EIF4G1: variants seen among roughly 807,000 people sequenced by gnomAD.
The protein encoded by EIF4G1 is eukaryotic translation initiation factor 4 gamma 1, also known as EIF4-gamma.
EIF4G1 carries 4 observed loss-of-function variants against 187.8 expected under a neutral mutation model. That is an observed-to-expected ratio of 0.02 (90% CI 0.01 to 0.05). The LOEUF is 0.05. Ranked by LOEUF, EIF4G1 falls within the 10% of genes least tolerant of loss-of-function variation. EIF4G1 has a pLI of 1.00. For missense variants in EIF4G1, 1,647 were observed against 2,081.1 expected, an observed-to-expected ratio of 0.79 and a Z score of 4.06; for synonymous variants, 844 against 781.4, an observed-to-expected ratio of 1.08 and a Z score of -1.34.
intron 28 of EIF4G1, among the ~76,000 whole-genome samples, chr3:184,329,879 AGTGT>A (rs772317478): frequency 1.7e-3 from 265 of 152,282 alleles, no homozygotes; most frequent in Middle Eastern, 3.4e-3. Context: ...AGTTGGGGTG[AGTGT>A]GTGCAGTTTC....
In EIF4G1 at chr3:184,322,692, A is replaced by C. The variant is rs1218297785; in HGVS notation, c.1757A>C (p.Asn586Thr). ...SKEDKIHNAENIQPGEQKYEY... is the reference protein window; with the variant it reads ...SKEDKIHNAETIQPGEQKYEY... ...GAAGACAAAATTCACAATGCTGAGAACATCCAGCCCGGGGAACAGAAGTAT... is the reference window on the plus strand; with the variant it reads ...GAAGACAAAATTCACAATGCTGAGACCATCCAGCCCGGGGAACAGAAGTAT... The change falls in exon 12 of 33, where the codon AAC (asparagine) becomes ACC (threonine). Residue 586 changes from asparagine to threonine, a missense_variant. Transcript: ENST00000346169. The C allele has an allele frequency of 6.2e-7, 1 of 1,614,224 alleles. No individual in the cohort carries two copies. The highest frequency in any genetic ancestry group is 8.5e-7 in the Non-Finnish European group (1 of 1,180,046).
rs527922283 is a variant in EIF4G1 at position 184,335,340 on chromosome 3, A to G, written c.*432A>G. 3.1e-4 allele frequency: 70 copies of G among 222,768 alleles called. No individual in the cohort carries two copies. Among genetic ancestry groups the G allele is most frequent in the East Asian group, 4.4e-4 (4 of 9,192 alleles). The allele number at this position is 222,768 out of a possible 1,614,324, so 13.8% of individuals were successfully genotyped here. The stretch of plus-strand genomic sequence containing the variant: ...GGCACGGTGCCTGTAATTATTAAAC[A>G]TGAATTCAATTAAGCTCACTGCCTT... On this transcript the variant is annotated 3_prime_UTR_variant, in exon 33 of 33. Transcript: ENST00000346169.
chr3:184,328,836 G>A, intron 27 of EIF4G1, 73 bp from the exon 28 acceptor site: 3 of 1,614,026 alleles, frequency 1.9e-6, no homozygotes, highest in Non-Finnish European at 2.5e-6. Flanking sequence ...TGGATACCCT[G>A]GTTTGGAGGG....
chr3:184,323,076 T>C lies in EIF4G1; in HGVS notation c.1930-7T>C. 1 of 1,614,196 alleles carries C rather than the reference T, an allele frequency of 6.2e-7. No individual in the cohort carries two copies. Among genetic ancestry groups the C allele is most frequent in the Non-Finnish European group, 8.5e-7 (1 of 1,180,036 alleles). On this transcript the variant is annotated splice_polypyrimidine_tract_variant and splice_region_variant and intron_variant, in intron 13 of 32. Transcript: ENST00000346169. This position sits in a 1 kb window ranked among gnomAD's most constrained non-coding sequence, Gnocchi z 6.9. ...GCTTCTGAGACCTTTTCCTGTCCTC[T>C]TTGCAGGCCAATAAAACACCACTGC...
chr3:184,315,987 G>A, intron 3 of EIF4G1, 131 bp downstream of exon 3: 1 of 1,525,242 alleles, frequency 6.6e-7, no homozygotes. Context: ...CAGGGCCCCT[G>A]GGCTGTCCCC....
chr3:184,331,629 T>G, intron 30 of EIF4G1, 23 bp downstream of exon 30: 1 of 1,559,484 alleles, frequency 6.4e-7, no homozygotes, highest in South Asian at 1.1e-5. Flanking sequence ...TGGATATCGA[T>G]AAAGGAAAGG....
chr3:184,316,532 C>G (rs1722812663), intron 4 of EIF4G1, among the ~76,000 whole-genome samples: 1 of 152,064 alleles, frequency 6.6e-6, no homozygotes, highest in South Asian at 2.1e-4. Flanking sequence ...CTATTGCTCT[C>G]TCTGCTTTCT....
At position 184,315,822 on chromosome 3, in the gene EIF4G1, G is replaced by GCCCC; in HGVS notation, c.29_32dup (p.Ala13ThrfsTer43). 1 of 1,544,496 alleles carries GCCCC rather than the reference G, an allele frequency of 6.5e-7. No individual in the cohort carries two copies. The highest frequency in any genetic ancestry group is 8.8e-7 in the Non-Finnish European group (1 of 1,140,802). On this transcript the variant is annotated frameshift_variant, in exon 3 of 33. Transcript: ENST00000346169. LOFTEE classifies it high-confidence loss of function. The stretch of plus-strand genomic sequence containing the variant: ...ATGAACAAAGCTCCACAGTCCACAG[G>GCCCC]CCCCCCACCCGCCCCATCCCCCGGA...
Position 184,325,244 on chromosome 3 carries a change from G to T in EIF4G1, c.2857-25G>T, listed in dbSNP as rs907721563. On this transcript the variant is annotated intron_variant, in intron 18 of 32. Transcript: ENST00000346169. This position sits in a 1 kb window ranked among gnomAD's most constrained non-coding sequence, Gnocchi z 5.2. ...TATAGGTGGGACATGAGAAGTTCCT[G>T]GTCTGATGCCTTTCTCCTTCCTAGC... The T allele has an allele frequency of 2.5e-6, 4 of 1,613,092 alleles. No homozygotes were observed. Among genetic ancestry groups the T allele is most frequent in the Non-Finnish European group, 3.4e-6 (4 of 1,179,124 alleles).
chr3:184,317,198 A>T, intron 4 of EIF4G1, 123 bp from the exon 5 acceptor site: 1 of 1,166,330 alleles, frequency 8.6e-7, no homozygotes, highest in Non-Finnish European at 1.3e-6. Context: ...TCTTGGAAGG[A>T]TTGGTCGCCA....
At chr3:184,317,019 C>T (rs1722918109) in intron 4 of EIF4G1, among the ~76,000 whole-genome samples, 1 of 152,138 alleles carries the variant, frequency 6.6e-6, no homozygotes, top group African/African-American at 2.4e-5. Context: ...AGGCATGATG[C>T]ATCTCGGTGT....
intron 17 of EIF4G1, 104 bp from the exon 18 acceptor site, chr3:184,324,774 C>G: frequency 7.7e-7 from 1 of 1,305,812 alleles, no homozygotes; most frequent in Non-Finnish European, 1.1e-6. Flanking sequence ...CAGCCGGCCT[C>G]AGGACTGAGT....
chr3:184,334,985 G>C lies in EIF4G1; in HGVS notation c.*77G>C. The C allele has an allele frequency of 1.3e-6, 2 of 1,583,420 alleles. No homozygotes were observed. The highest frequency in any genetic ancestry group is 1.3e-5 in the African/African-American group (1 of 74,404). On this transcript the variant is annotated 3_prime_UTR_variant, in exon 33 of 33. Transcript: ENST00000346169. This position sits in a 1 kb window ranked among gnomAD's most constrained non-coding sequence, Gnocchi z 5.8. ...CTAGCCGCCTGGACTGCAGGGGGGCGGCAGCAGCGGCGGTGGCAGTGGGTG... is the reference window on the plus strand; with the variant it reads ...CTAGCCGCCTGGACTGCAGGGGGGCCGCAGCAGCGGCGGTGGCAGTGGGTG...
intron 6 of EIF4G1, among the ~76,000 whole-genome samples, chr3:184,318,603 A>G (rs1000803956): frequency 1.3e-5 from 2 of 152,012 alleles, no homozygotes; most frequent in African/African-American, 4.8e-5. Flanking sequence ...TTTTATTGTT[A>G]TTATTTTAAT....
chr3:184,328,538 G>A, intron 26 of EIF4G1, 93 bp from the exon 27 acceptor site: 1 of 1,565,542 alleles, frequency 6.4e-7, no homozygotes, highest in Non-Finnish European at 8.8e-7. Flanking sequence ...GTTCCTGGGG[G>A]TTCCATAGTT....
Position 184,322,616 on chromosome 3 carries a change from A to G in EIF4G1, c.1681A>G (p.Ser561Gly). The G allele has an allele frequency of 1.2e-6, 2 of 1,614,222 alleles. No homozygotes were observed. Among genetic ancestry groups the G allele is most frequent in the Non-Finnish European group, 1.7e-6 (2 of 1,180,032 alleles). ...CAATCCAGGCCCAGAGTCTGAGGGCAGTGGTGTGCCCCCACGTCCTGAGGA... is the reference window on the plus strand; with the variant it reads ...CAATCCAGGCCCAGAGTCTGAGGGCGGTGGTGTGCCCCCACGTCCTGAGGA... Reference protein sequence around the residue: ...GSNPGPESEGSGVPPRPEEAD... With the variant: ...GSNPGPESEGGGVPPRPEEAD... Residue 561 changes from serine to glycine, a missense_variant, in exon 12 of 33, where the codon AGT (serine) becomes GGT (glycine). This residue lies in a region of EIF4G1 where 522 missense variants were observed against 485.2 expected (regional missense o/e 1.08). Coordinates refer to ENST00000346169, the MANE Select transcript of EIF4G1 (RefSeq NM_198241.3).
intron 8 of EIF4G1, 85 bp downstream of exon 8, chr3:184,320,807 T>G: frequency 6.2e-7 from 1 of 1,606,980 alleles, no homozygotes; most frequent in Non-Finnish European, 8.5e-7. Flanking sequence ...TTCTTTCAAC[T>G]AAGGGATTTA....
At position 184,333,527 on chromosome 3, in the gene EIF4G1, A is replaced by C. The variant is rs145962850; in HGVS notation, c.4619-1200A>C. ...GGCCCCTCTGAACCAAGGACAGAGA[A>C]ATTTGAGGAGAGGGATGTGGTTGAT... On this transcript the variant is annotated intron_variant, in intron 32 of 32. Transcript: ENST00000346169. Among the ~76,000 whole-genome samples the C allele has an allele frequency of 7.2e-5, 11 of 152,164 alleles. No individual in the cohort carries two copies. The East Asian group carries it at 2.1e-3, about 29-fold the overall frequency.
In EIF4G1 at chr3:184,323,231, C is replaced by T; in HGVS notation, c.2078C>T (p.Pro693Leu). 1 of 1,614,146 alleles carries T rather than the reference C, an allele frequency of 6.2e-7. No individual in the cohort carries two copies. The highest frequency in any genetic ancestry group is 8.5e-7 in the Non-Finnish European group (1 of 1,180,002). Residue 693 changes from proline to leucine, a missense_variant, in exon 14 of 33, where the codon CCC becomes CTC. Coordinates refer to ENST00000346169, the MANE Select transcript of EIF4G1 (RefSeq NM_198241.3). This position sits in a 1 kb window ranked among gnomAD's most constrained non-coding sequence, Gnocchi z 6.9. ...PPRGGPGGEL[P>L]RGPAGLGPRR... ...AGGGGTGGGCCAGGTGGGGAGCTGCCCCGTGGGCCGGTGAGTGGGGCTGGG... is the reference window on the plus strand; with the variant it reads ...AGGGGTGGGCCAGGTGGGGAGCTGCTCCGTGGGCCGGTGAGTGGGGCTGGG...
Sources: gnomAD v4.1 joint callset for allele counts (sites outside exome capture counted in the v4.1 genomes callset) on GRCh38, gnomAD v4.1.1 for gene constraint, gnomAD v4.1.1 regional missense constraint, Gnocchi (gnomAD v3.1) non-coding constraint, MANE v1.5 for transcripts, NCBI Gene and HGNC (gene_info 2026-07-23, HGNC 2026-07-21) for gene names.